Variants in PIK3C2G observed in about 807,000 individuals in gnomAD.
PIK3C2G encodes the protein phosphatidylinositol 3-kinase C2 domain-containing subunit gamma.
Under a neutral mutation model 181.1 loss-of-function variants are expected in PIK3C2G, and 168 were observed. The ratio of observed to expected loss-of-function variants is 0.93; its 90% CI spans 0.82 to 1.05. The LOEUF is 1.05. Ranked by LOEUF, PIK3C2G falls within the 50% of genes least tolerant of loss-of-function variation. The pLI is 0.00. For synonymous variants in PIK3C2G, 573 were observed against 592.2 expected (o/e 0.97, Z 0.47); for missense variants, 1,869 against 1,732.8 (o/e 1.08, Z -1.40).
chr12:18,334,794 A>G (rs143995939), intron 8 of PIK3C2G, among the ~76,000 whole-genome samples: 1 of 152,162 alleles, frequency 6.6e-6, no homozygotes, highest in Non-Finnish European at 1.5e-5. Context: ...ATCAGCCATC[A>G]TAGGGTTTGT....
intron 13 of PIK3C2G, among the ~76,000 whole-genome samples, chr12:18,378,163 T>C (rs1187593022): frequency 6.6e-6 from 1 of 152,226 alleles, no homozygotes; most frequent in Non-Finnish European, 1.5e-5. Context: ...AGTCCCCTCA[T>C]CTTCTGTCAA....
chr12:18,548,493 C>G (rs11829471), intron 26 of PIK3C2G, among the ~76,000 whole-genome samples: 32,431 of 151,934 alleles, frequency 0.21, 3,515 homozygotes, highest in African/African-American at 0.26. Context: ...CTACTTCATG[C>G]AACACACTGA....
chr12:18,514,182 G>A (rs994491461), intron 24 of PIK3C2G, among the ~76,000 whole-genome samples: 5 of 151,706 alleles, frequency 3.3e-5, no homozygotes, highest in Non-Finnish European at 7.4e-5. Flanking sequence ...TTACAGCATT[G>A]TGATCCAAAA....
chr12:18,260,683 G>A (rs1211197165), upstream of PIK3C2G, among the ~76,000 whole-genome samples: 1 of 151,874 alleles, frequency 6.6e-6, no homozygotes, highest in Non-Finnish European at 1.5e-5. Context: ...GAAGAAAAAA[G>A]AAGAGAAAAA....
chr12:18,520,803 CT>C (rs1682979457), intron 24 of PIK3C2G, among the ~76,000 whole-genome samples: 1 of 152,094 alleles, frequency 6.6e-6, no homozygotes. Context: ...GCACTCTGGC[CT>C]TTTGGATTTT....
the PIK3C2G span, chr12:18,705,240 A>G: frequency 1.9e-6 from 3 of 1,613,956 alleles, no homozygotes; most frequent in African/African-American, 4.0e-5. Flanking sequence ...GTAGCCTGCA[A>G]ATTGTCTGCC....
intron 8 of PIK3C2G, among the ~76,000 whole-genome samples, chr12:18,335,928 C>T (rs16914120): frequency 0.093 from 14,114 of 151,920 alleles, 977 homozygotes; most frequent in Admixed American, 0.24. Flanking sequence ...CAAGTCAACC[C>T]AGTATTAGTA....
At chr12:18,330,064 A>G (rs1937767214) in intron 8 of PIK3C2G, among the ~76,000 whole-genome samples, 1 of 152,042 alleles carries the variant, frequency 6.6e-6, no homozygotes, top group South Asian at 2.1e-4. Context: ...AGTTCTTTAT[A>G]TATTTACCCT....
chr12:18,501,433 C>T (rs1366018769), intron 22 of PIK3C2G, among the ~76,000 whole-genome samples: 1 of 152,128 alleles, frequency 6.6e-6, no homozygotes, highest in Non-Finnish European at 1.5e-5. Context: ...TGATCACCTC[C>T]CACCAGGTCC....
intron 29 of PIK3C2G, among the ~76,000 whole-genome samples, chr12:18,579,168 TAGAG>T (rs951534327): frequency 1.3e-5 from 2 of 152,126 alleles, no homozygotes; most frequent in African/African-American, 4.8e-5. Flanking sequence ...GACAAGAAAT[TAGAG>T]AGATTAAAAA....
At chr12:18,642,958 A>G (rs1949919183) in intron 32 of PIK3C2G, among the ~76,000 whole-genome samples, 2 of 152,104 alleles carry the variant, frequency 1.3e-5, no homozygotes, top group Non-Finnish European at 2.9e-5. Flanking sequence ...TCCCAACAAT[A>G]TATCACTGTT....
At chr12:18,535,277 C>T (rs74781712) in intron 24 of PIK3C2G, among the ~76,000 whole-genome samples, 7,739 of 151,976 alleles carry the variant, frequency 0.051, 499 homozygotes, top group African/African-American at 0.15. Context: ...AAAAAAATTG[C>T]TCAGAAGTGA....
downstream of PIK3C2G, among the ~76,000 whole-genome samples, chr12:18,650,345 ATATGTG>A (rs1341829214): frequency 5.6e-4 from 71 of 127,730 alleles, no homozygotes; most frequent in Admixed American, 2.3e-3. Flanking sequence ...ATATATATAT[ATATGTG>A]TGTGTGTGTG....
intron 1 of PIK3C2G, among the ~76,000 whole-genome samples, chr12:18,262,560 TTGAGCATAAGAAAATAG>T (rs1172300018): frequency 2.0e-5 from 3 of 151,330 alleles, no homozygotes; most frequent in African/African-American, 4.9e-5. Context: ...AGTTTGTGAA[TTGAGCATAAGAAAATAG>T]TGAGCATAAG....
At chr12:18,328,161 A>G (rs1015786657) in intron 8 of PIK3C2G, among the ~76,000 whole-genome samples, 2 of 151,952 alleles carry the variant, frequency 1.3e-5, no homozygotes, top group Non-Finnish European at 2.9e-5. Context: ...TTCATGCTTC[A>G]AAATGTGGTT....
In PIK3C2G at chr12:18,497,696, C is replaced by T. The variant is rs746674935; in HGVS notation, c.2964C>T (p.Gly988=). The T allele has an allele frequency of 7.8e-5, 126 of 1,612,104 alleles. 1 individual carries two copies. In the South Asian group the frequency reaches 1.3e-3, roughly 17 times the overall value. ...TGGACAATATTTGGCTGCAGGAAGG[C>T]TTGGATATGCAAATGATCATTTATA... ...QVMDNIWLQE[G]LDMQMIIYRC... Residue 988 remains glycine, a synonymous_variant, in exon 22 of 33, where the codon GGC becomes GGT. Transcript: ENST00000538779.
At chr12:18,700,021 A>C in the PIK3C2G span, 7 of 1,244,706 alleles carry the variant, frequency 5.6e-6, no homozygotes, top group Non-Finnish European at 8.0e-6. Flanking sequence ...TCTAGTAAAG[A>C]AAATACACTT....
chr12:18,306,493 C>T (rs755947340), intron 5 of PIK3C2G, among the ~76,000 whole-genome samples: 6 of 151,988 alleles, frequency 3.9e-5, no homozygotes, highest in Non-Finnish European at 8.8e-5. Flanking sequence ...TATCACTGAC[C>T]TTTATCTATG....
chr12:18,500,125 C>T (rs996272055), intron 22 of PIK3C2G, among the ~76,000 whole-genome samples: 1 of 152,176 alleles, frequency 6.6e-6, no homozygotes, highest in Non-Finnish European at 1.5e-5. Context: ...CTGGCTCCCT[C>T]AGCTTGCGGG....
Sources: allele counts gnomAD v4.1 joint callset (sites outside exome capture counted in the v4.1 genomes callset), GRCh38; gene constraint gnomAD v4.1.1; transcripts MANE v1.5; gene names NCBI Gene and HGNC (gene_info 2026-07-23, HGNC 2026-07-21).